Variants in STARD13 observed in about 807,000 individuals in gnomAD.
STARD13 encodes the protein StAR related lipid transfer domain containing 13, also known as stAR-related lipid transfer protein 13.
STARD13 carries 62 observed loss-of-function variants against 106.4 expected under a neutral mutation model. That is an observed-to-expected ratio of 0.58 (90% CI 0.48 to 0.72). The LOEUF (loss-of-function observed/expected upper bound fraction) is 0.72, where lower values mean the gene tolerates loss of function less well. Ranked by LOEUF, STARD13 falls within the 30% of genes least tolerant of loss-of-function variation. The pLI is 0.00. For missense variants in STARD13, 1,387 were observed against 1,424.0 expected, an observed-to-expected ratio of 0.97 and a Z score of 0.42; for synonymous variants, 565 against 553.0, an observed-to-expected ratio of 1.02 and a Z score of -0.31.
intron 1 of STARD13, among the ~76,000 whole-genome samples, chr13:33,213,402 C>T (rs1365548137): frequency 6.6e-6 from 1 of 152,104 alleles, no homozygotes; most frequent in Non-Finnish European, 1.5e-5. Flanking sequence ...TCATGTAGTA[C>T]AAAATTAACT....
At chr13:33,384,852 G>A in the STARD13 span, among the ~76,000 whole-genome samples, 1 of 152,060 alleles carries the variant, frequency 6.6e-6, no homozygotes, top group Non-Finnish European at 1.5e-5. Flanking sequence ...AGGGCTCCAT[G>A]GGAAGAGCAT....
At chr13:33,380,801 G>A in the STARD13 span, among the ~76,000 whole-genome samples, 1 of 152,018 alleles carries the variant, frequency 6.6e-6, no homozygotes, top group African/African-American at 2.4e-5. Context: ...CAACCAGAGG[G>A]TACCCGTGCC....
chr13:33,437,154 C>T, the STARD13 span, among the ~76,000 whole-genome samples: 1 of 152,214 alleles, frequency 6.6e-6, no homozygotes, highest in African/African-American at 2.4e-5. Flanking sequence ...AGATTGACCC[C>T]TAACCTAATC....
intron 1 of STARD13, among the ~76,000 whole-genome samples, chr13:33,178,077 TAG>T (rs899693594): frequency 7.9e-5 from 12 of 152,064 alleles, no homozygotes; most frequent in Non-Finnish European, 8.8e-5. Context: ...TTCTACCACC[TAG>T]AGATTGATCA....
chr13:33,518,564 C>A, the STARD13 span, among the ~76,000 whole-genome samples: 2 of 151,954 alleles, frequency 1.3e-5, no homozygotes, highest in African/African-American at 4.8e-5. Flanking sequence ...GGAGGTGGGG[C>A]ACCAATTTAT....
chr13:33,366,583 C>T, the STARD13 span, among the ~76,000 whole-genome samples: 1 of 152,230 alleles, frequency 6.6e-6, no homozygotes, highest in East Asian at 1.9e-4. This position sits in a 1 kb window ranked among gnomAD's most constrained non-coding sequence, Gnocchi z 4.2. Context: ...GCCTAACCAA[C>T]TAACCAAGCT....
At chr13:33,670,835 T>G in the STARD13 span, among the ~76,000 whole-genome samples, 1 of 152,222 alleles carries the variant, frequency 6.6e-6, no homozygotes, top group Non-Finnish European at 1.5e-5. Context: ...TATTTCTTCA[T>G]CTTGTCTCCC....
intron 1 of STARD13, among the ~76,000 whole-genome samples, chr13:33,213,032 TG>T (rs1428220080): frequency 6.6e-6 from 1 of 152,220 alleles, no homozygotes; most frequent in Non-Finnish European, 1.5e-5. Flanking sequence ...TTATTGACCC[TG>T]ATTTTTTGAA....
the STARD13 span, among the ~76,000 whole-genome samples, chr13:33,388,413 C>A: frequency 6.6e-6 from 1 of 152,204 alleles, no homozygotes; most frequent in East Asian, 1.9e-4. Flanking sequence ...AGGGCCAGGG[C>A]AGTGCAGTCA....
At chr13:33,184,717 G>A (rs538611227) in intron 1 of STARD13, among the ~76,000 whole-genome samples, 1 of 152,344 alleles carries the variant, frequency 6.6e-6, no homozygotes, top group South Asian at 2.1e-4. Context: ...CCTGGTCTCT[G>A]TCACAGGGAT....
chr13:33,236,412 G>T (rs573584407), intron 1 of STARD13, among the ~76,000 whole-genome samples: 2 of 152,336 alleles, frequency 1.3e-5, no homozygotes, highest in Non-Finnish European at 2.9e-5. Context: ...GCATGGCTGC[G>T]TGAGTGTTAG....
At position 33,290,960 on chromosome 13, in the gene STARD13, C is replaced by G. The variant is rs538290715; in HGVS notation, c.124+59330G>C. Among the ~76,000 whole-genome samples, 10 of 152,250 alleles carry G rather than the reference C, an allele frequency of 6.6e-5. No individual in the cohort carries two copies. The South Asian group carries it at 2.1e-3, about 32-fold the overall frequency. On this transcript the variant is annotated intron_variant, in intron 1 of 5. Transcript: ENST00000567873. ...TTGGTCTTACCAGTCATATTAATAC[C>G]TGTAAACCACTGTTATGTGGCACAT...
chr13:33,459,437 GTTC>G, the STARD13 span, among the ~76,000 whole-genome samples: 1 of 152,096 alleles, frequency 6.6e-6, no homozygotes. Flanking sequence ...TAATTAGTTT[GTTC>G]TTCTTTATTA....
intron 1 of STARD13, chr13:33,275,817 A>G (rs1891398626): frequency 6.6e-6 from 1 of 152,152 alleles, no homozygotes; most frequent in Non-Finnish European, 1.5e-5. Context: ...CAACAGAGTA[A>G]CTCCTGGAAG....
At chr13:33,561,508 T>A in the STARD13 span, among the ~76,000 whole-genome samples, 1 of 151,542 alleles carries the variant, frequency 6.6e-6, no homozygotes, top group Non-Finnish European at 1.5e-5. Flanking sequence ...CTTGTCTTTT[T>A]AAAAAATATC....
the STARD13 span, among the ~76,000 whole-genome samples, chr13:33,463,951 C>T: frequency 6.6e-6 from 1 of 150,578 alleles, no homozygotes; most frequent in South Asian, 2.1e-4. Flanking sequence ...GCAGAGGTTG[C>T]AGTGAGCAGA....
intron 7 of STARD13, among the ~76,000 whole-genome samples, chr13:33,124,628 A>G (rs1363116324): frequency 6.6e-6 from 1 of 152,212 alleles, no homozygotes; most frequent in African/African-American, 2.4e-5. Flanking sequence ...GGCACTGCAC[A>G]TTATTCAGAA....
chr13:33,288,597 A>G (rs1387536554), upstream of STARD13, among the ~76,000 whole-genome samples: 1 of 151,768 alleles, frequency 6.6e-6, no homozygotes, highest in Non-Finnish European at 1.5e-5. Context: ...TTTTAAAAAA[A>G]GGGAATTTTT....
downstream of STARD13, among the ~76,000 whole-genome samples, chr13:33,345,813 A>G (rs2078011123): frequency 5.9e-5 from 9 of 152,004 alleles, no homozygotes; most frequent in Admixed American, 5.9e-4. Context: ...ACTGTGACCT[A>G]CGTTAAGAAA....
Sources: allele counts gnomAD v4.1 joint callset (sites outside exome capture counted in the v4.1 genomes callset), GRCh38; gene constraint gnomAD v4.1.1; non-coding constraint Gnocchi (gnomAD v3.1); transcripts MANE v1.5; gene names NCBI Gene and HGNC (gene_info 2026-07-23, HGNC 2026-07-21).